The following VPS13B variants were observed in gnomAD, a reference collection of about 807,000 sequenced individuals.
The protein encoded by VPS13B is intermembrane lipid transfer protein VPS13B.
In VPS13B, 285 loss-of-function variants were observed where a neutral mutation model predicts 426.4. The ratio of observed to expected loss-of-function variants is 0.67; its 90% CI spans 0.61 to 0.74. The LOEUF (loss-of-function observed/expected upper bound fraction) is 0.74, where lower values mean the gene tolerates loss of function less well. VPS13B is among the 30% of genes least tolerant of loss of function. The pLI, the probability that VPS13B is intolerant of heterozygous loss-of-function variation, is 0.00. For synonymous variants in VPS13B, 1,676 were observed against 1,676.4 expected, an observed-to-expected ratio of 1.00 and a Z score of 0.01; for missense variants, 4,537 against 4,782.6, an observed-to-expected ratio of 0.95 and a Z score of 1.51.
At chr8:99,871,325 G>GT (rs1817401199) in intron 60 of VPS13B, 123 bp from the exon 61 acceptor site, 23 of 1,422,604 alleles carry the variant, frequency 1.6e-5, no homozygotes, top group South Asian at 7.0e-5. Flanking sequence ...GCTAAAATGG[G>GT]TAACTGGATT....
rs750744030 is a variant in VPS13B, at chr8:99,823,919, C to G, written c.9271C>G (p.Pro3091Ala). The G allele has an allele frequency of 5.0e-6, 8 of 1,613,464 alleles. No homozygotes were observed. In the South Asian group the frequency reaches 7.7e-5, roughly 16 times the overall value. ...EDKTTIINNT[P>A]YQIFYKPQLS... is the part of the protein sequence containing the mutation. ...CAAGACTACAATAATCAATAATACA[C>G]CATATCAAATATTTTATAAACCACA... The change falls in exon 51 of 62, where the codon CCA (proline) becomes GCA (alanine). Residue 3091 changes from proline (P) to alanine (A), a missense_variant. By Grantham distance (27) the Pro-to-Ala change is conservative. This residue lies in a region of VPS13B where 4,311 missense variants were observed against 4,474.3 expected (regional missense o/e 0.96). Transcript: ENST00000357162.
At chr8:99,452,141 T>C (rs1237361283) in intron 23 of VPS13B, among the ~76,000 whole-genome samples, 2 of 152,148 alleles carry the variant, frequency 1.3e-5, no homozygotes, top group Non-Finnish European at 2.9e-5. Flanking sequence ...TGCTGCTTGC[T>C]TTGCCCACCT....
At chr8:99,858,199 A>G (rs72676268) in intron 56 of VPS13B, among the ~76,000 whole-genome samples, 2,511 of 152,326 alleles carry the variant, frequency 0.016, 23 homozygotes, top group Non-Finnish European at 0.026. Context: ...TCCCGGAGAA[A>G]GCTGTCTTTT....
intron 34 of VPS13B, among the ~76,000 whole-genome samples, chr8:99,645,981 T>G (rs757625408): frequency 9.2e-5 from 14 of 152,140 alleles, no homozygotes; most frequent in Non-Finnish European, 1.5e-5. Context: ...GCTATAATGC[T>G]AACTTTCATG....
At chr8:99,475,196 A>G (rs1819626670) in intron 24 of VPS13B, among the ~76,000 whole-genome samples, 1 of 152,214 alleles carries the variant, frequency 6.6e-6, no homozygotes, top group Non-Finnish European at 1.5e-5. Context: ...GCCTGGAAGT[A>G]GAACAGCGAG....
At chr8:99,731,858 TATTCACTTTG>T in intron 39 of VPS13B, among the ~76,000 whole-genome samples, 1 of 152,306 alleles carries the variant, frequency 6.6e-6, no homozygotes, top group African/African-American at 2.4e-5. Context: ...TGCTAGGCAC[TATTCACTTTG>T]TGAGGTGCTT....
intron 16 of VPS13B, among the ~76,000 whole-genome samples, chr8:99,171,507 C>A (rs1344707610): frequency 6.6e-6 from 1 of 151,630 alleles, no homozygotes; most frequent in Non-Finnish European, 1.5e-5. Context: ...TGATTATAGC[C>A]TTTATATAAA....
chr8:99,729,868 A>T (rs1440377632), intron 39 of VPS13B, among the ~76,000 whole-genome samples: 1 of 152,226 alleles, frequency 6.6e-6, no homozygotes, highest in Non-Finnish European at 1.5e-5. Flanking sequence ...AATAAAGTAG[A>T]AACTAGACTT....
intron 5 of VPS13B, among the ~76,000 whole-genome samples, chr8:99,103,870 T>C (rs1443875909): frequency 6.6e-6 from 1 of 152,156 alleles, no homozygotes; most frequent in Non-Finnish European, 1.5e-5. Context: ...TCCTGAGCTC[T>C]AGCGATTTGC....
At chr8:99,848,976 C>A in intron 55 of VPS13B, 82 bp downstream of exon 55, 1 of 1,267,066 alleles carries the variant, frequency 7.9e-7, no homozygotes, top group East Asian at 2.3e-5. Context: ...TCTTTGTCAT[C>A]TCCACATAAT....
At chr8:99,490,887 G>A (rs182275537) in intron 25 of VPS13B, among the ~76,000 whole-genome samples, 1 of 151,970 alleles carries the variant, frequency 6.6e-6, no homozygotes, top group African/African-American at 2.4e-5. Context: ...AGGGTTTTTT[G>A]TGTCTCTATC....
intron 34 of VPS13B, among the ~76,000 whole-genome samples, chr8:99,649,608 T>C (rs1014332256): frequency 1.3e-5 from 2 of 149,810 alleles, no homozygotes; most frequent in Middle Eastern, 3.4e-3. Context: ...GCCACCACTG[T>C]AACAGTCCCC....
At chr8:99,806,400 T>C (rs73271385) in intron 43 of VPS13B, among the ~76,000 whole-genome samples, 3,994 of 152,238 alleles carry the variant, frequency 0.026, 155 homozygotes, top group African/African-American at 0.086. Flanking sequence ...CCCAGCTGCT[T>C]CCCAATGTTT....
chr8:99,418,640 C>T (rs566250678), intron 21 of VPS13B, among the ~76,000 whole-genome samples: 1 of 152,070 alleles, frequency 6.6e-6, no homozygotes, highest in South Asian at 2.1e-4. Context: ...TCTCCACCTC[C>T]CAGGTTCAAG....
At chr8:99,212,682 C>T (rs558082256) in intron 17 of VPS13B, among the ~76,000 whole-genome samples, 13 of 86,086 alleles carry the variant, frequency 1.5e-4, no homozygotes, top group African/African-American at 5.8e-4. Flanking sequence ...TTCCTTAGTG[C>T]TGCTCCTACT....
chr8:99,253,678 T>C (rs1817614745), intron 17 of VPS13B, among the ~76,000 whole-genome samples: 1 of 152,202 alleles, frequency 6.6e-6, no homozygotes, highest in Non-Finnish European at 1.5e-5. Context: ...TTTGATCCAG[T>C]CTTCCAGTCT....
chr8:99,689,710 G>A (rs996401346), intron 35 of VPS13B, among the ~76,000 whole-genome samples: 1 of 152,132 alleles, frequency 6.6e-6, no homozygotes, highest in African/African-American at 2.4e-5. Context: ...GTTTTTTTCT[G>A]TGTCCCTGGG....
rs150816739 is a variant in VPS13B, at chr8:99,314,736, C to A, written c.2824+39482C>A. ...TAAGTACTGGGATTATGAGCGAGAA[C>A]CACTACAGCCAGCTTATCTCCCATT... is the stretch of plus-strand genomic sequence containing the variant. On this transcript the variant is annotated intron_variant, in intron 19 of 61. Transcript: ENST00000357162. 3.9e-5 allele frequency among the ~76,000 whole-genome samples: 6 copies of A among 152,290 alleles called. No homozygotes were observed. The East Asian group carries it at 1.2e-3, about 29-fold the overall frequency.
At chr8:99,260,004 T>G (rs1817960068) in intron 17 of VPS13B, among the ~76,000 whole-genome samples, 1 of 151,954 alleles carries the variant, frequency 6.6e-6, no homozygotes, top group Non-Finnish European at 1.5e-5. Context: ...GGAATTCAAA[T>G]TACAAGAGAG....
Sources: gnomAD v4.1 joint callset for allele counts (sites outside exome capture counted in the v4.1 genomes callset) on GRCh38, gnomAD v4.1.1 for gene constraint, gnomAD v4.1.1 regional missense constraint, MANE v1.5 for transcripts, NCBI Gene and HGNC (gene_info 2026-07-23, HGNC 2026-07-21) for gene names.